PCDH15: variants seen among roughly 807,000 people sequenced by gnomAD.
PCDH15 encodes the protein protocadherin related 15.
PCDH15 carries 129 observed loss-of-function variants against 178.5 expected under a neutral mutation model. The observed-to-expected ratio is 0.72, with a 90% CI of 0.63 to 0.84. The LOEUF is 0.84. PCDH15 is among the 40% of genes least tolerant of loss of function. The pLI, the probability that PCDH15 is intolerant of heterozygous loss-of-function variation, is 0.00. For synonymous variants in PCDH15, 800 were observed against 732.0 expected (o/e 1.09, Z -1.50); for missense variants, 2,230 against 2,099.9 (o/e 1.06, Z -1.21).
At chr10:53,980,750 A>T (rs977272864) in intron 21 of PCDH15, among the ~76,000 whole-genome samples, 1 of 152,204 alleles carries the variant, frequency 6.6e-6, no homozygotes, top group African/African-American at 2.4e-5. Flanking sequence ...TGAGTTAAAC[A>T]AAAACAACAA....
At chr10:55,266,239 C>T (rs1055148485) in intron 1 of PCDH15, among the ~76,000 whole-genome samples, 1 of 151,942 alleles carries the variant, frequency 6.6e-6, no homozygotes, top group African/African-American at 2.4e-5. Context: ...CCATAAAACT[C>T]CAAATGGCCA....
At position 54,223,358 on chromosome 10, in the gene PCDH15, T is replaced by G. The variant is rs554084550; in HGVS notation, c.986-9310A>C. ...GTTGCCAACCCTAAGGTCATAAAAA[T>G]CTTTACCAATATTATCTTTTAGATG... On this transcript the variant is annotated intron_variant, in intron 9 of 37. Coordinates refer to ENST00000644397, the MANE Select transcript of PCDH15 (RefSeq NM_001384140.1). 1.2e-3 allele frequency among the ~76,000 whole-genome samples: 179 copies of G among 143,782 alleles called. 2 individuals are homozygous for G. The highest frequency in any genetic ancestry group is 4.2e-3 in the African/African-American group (164 of 38,874). The allele number at this position is 143,782 out of a possible 152,430, so 94.3% of individuals were successfully genotyped here.
intron 6 of PCDH15, among the ~76,000 whole-genome samples, chr10:54,331,768 G>C (rs1276455750): frequency 6.6e-6 from 1 of 152,018 alleles, no homozygotes; most frequent in African/African-American, 2.4e-5. Flanking sequence ...TCTGGACTCA[G>C]AACCCCAAAT....
intron 2 of PCDH15, among the ~76,000 whole-genome samples, chr10:54,536,676 C>T (rs2084566425): frequency 6.6e-6 from 1 of 152,102 alleles, no homozygotes; most frequent in African/African-American, 2.4e-5. Flanking sequence ...TGTCCAGTGT[C>T]TATTACTGAC....
intron 8 of PCDH15, among the ~76,000 whole-genome samples, chr10:54,263,758 T>C (rs547053810): frequency 2.0e-5 from 3 of 151,530 alleles, no homozygotes; most frequent in East Asian, 3.9e-4. Flanking sequence ...ATGGTTAATA[T>C]TGAGTGTCAA....
chr10:55,482,046 A>T (rs560868062), intron 2 of PCDH15, among the ~76,000 whole-genome samples: 50 of 151,658 alleles, frequency 3.3e-4, no homozygotes, highest in Non-Finnish European at 2.1e-4. Context: ...AGGATAGTAA[A>T]TCTTCTTGGT....
At chr10:55,053,517 A>T (rs534410556) in intron 2 of PCDH15, among the ~76,000 whole-genome samples, 1 of 152,222 alleles carries the variant, frequency 6.6e-6, no homozygotes, top group Non-Finnish European at 1.5e-5. Flanking sequence ...GAAATGCTGC[A>T]ATCACATGCA....
At chr10:55,583,442 A>G in intron 2 of PCDH15, among the ~76,000 whole-genome samples, 1 of 151,820 alleles carries the variant, frequency 6.6e-6, no homozygotes, top group Admixed American at 6.6e-5. Context: ...TTATTTATTT[A>G]TTTATGTTTA....
chr10:55,563,060 G>A (rs1432973753), intron 2 of PCDH15, among the ~76,000 whole-genome samples: 2 of 151,882 alleles, frequency 1.3e-5, no homozygotes, highest in Non-Finnish European at 2.9e-5. Flanking sequence ...ACGTATTTCT[G>A]CTGCAGCTTG....
intron 32 of PCDH15, chr10:53,824,999 A>AAAC: frequency 2.6e-6 from 3 of 1,142,578 alleles, no homozygotes; most frequent in Non-Finnish European, 3.3e-6. Flanking sequence ...GTGGAAGACA[A>AAAC]AACTTTCCTT....
At chr10:55,600,959 T>A (rs1182715136) in intron 2 of PCDH15, among the ~76,000 whole-genome samples, 1 of 152,146 alleles carries the variant, frequency 6.6e-6, no homozygotes, top group Admixed American at 6.6e-5. Flanking sequence ...TCAGCCATAT[T>A]TATGGTAGTT....
At chr10:55,462,917 T>A in intron 2 of PCDH15, among the ~76,000 whole-genome samples, 1 of 151,962 alleles carries the variant, frequency 6.6e-6, no homozygotes, top group South Asian at 2.1e-4. Flanking sequence ...AAAGAAGAAT[T>A]TTGAAGTGGC....
At chr10:54,292,616 C>T (rs1288404066) in intron 8 of PCDH15, among the ~76,000 whole-genome samples, 5 of 152,200 alleles carry the variant, frequency 3.3e-5, no homozygotes, top group African/African-American at 1.2e-4. Context: ...TAGGCAAATT[C>T]AGCAAAGTCT....
chr10:54,025,793 G>C lies in PCDH15; in HGVS notation c.2221-2596C>G, dbSNP rs557628272. Among the ~76,000 whole-genome samples the C allele has an allele frequency of 8.5e-4, 130 of 152,104 alleles. 1 individual carries two copies. Among genetic ancestry groups the C allele is most frequent in the African/African-American group, 3.1e-3 (129 of 41,524 alleles). ...ATTACAGGCGTGAGCCACTGCGCCT[G>C]GCCATTTCTTCCATTTTTAAAGCCA... On this transcript the variant is annotated intron_variant, in intron 18 of 37. Coordinates refer to ENST00000644397, the MANE Select transcript of PCDH15 (RefSeq NM_001384140.1).
Position 55,043,476 on chromosome 10 carries a change from A to G in PCDH15, c.-80+123100T>C, listed in dbSNP as rs772182570. Among the ~76,000 whole-genome samples the G allele has an allele frequency of 1.6e-4, 24 of 152,168 alleles. No homozygotes were observed. In the Middle Eastern group the frequency reaches 0.017, roughly 108 times the overall value. On this transcript the variant is annotated intron_variant, in intron 2 of 5. Transcript: ENST00000458638. ...GTAATCTCAGAACTTTGGAGGACCC[A>G]GGCAGGAGGATTACTTGAGCCCAGA...
intron 3 of PCDH15, among the ~76,000 whole-genome samples, chr10:54,885,066 TTTTG>T (rs1178893760): frequency 4.6e-5 from 7 of 152,068 alleles, no homozygotes; most frequent in African/African-American, 1.7e-4. Flanking sequence ...AAAGCACAGG[TTTTG>T]TTTGTTTAAC....
intron 3 of PCDH15, among the ~76,000 whole-genome samples, chr10:54,859,608 C>G (rs1953805307): frequency 6.6e-6 from 1 of 151,898 alleles, no homozygotes; most frequent in African/African-American, 2.4e-5. Context: ...TTTGTTCAGT[C>G]AAATATAGAG....
At chr10:54,377,063 G>A (rs1436092228) in intron 4 of PCDH15, among the ~76,000 whole-genome samples, 7 of 151,766 alleles carry the variant, frequency 4.6e-5, no homozygotes, top group Non-Finnish European at 7.4e-5. Flanking sequence ...AATTTTACAT[G>A]TATTATAAAT....
intron 3 of PCDH15, among the ~76,000 whole-genome samples, chr10:54,884,202 A>G (rs1005735927): frequency 1.3e-5 from 2 of 151,990 alleles, no homozygotes; most frequent in Non-Finnish European, 2.9e-5. Flanking sequence ...TTTGGTAGGT[A>G]GTAATCTTAT....
Sources: allele counts gnomAD v4.1 joint callset (sites outside exome capture counted in the v4.1 genomes callset), GRCh38; gene constraint gnomAD v4.1.1; transcripts MANE v1.5; gene names NCBI Gene and HGNC (gene_info 2026-07-23, HGNC 2026-07-21).